Variants in ISL2 observed in about 807,000 individuals in gnomAD.
The protein encoded by ISL2 is insulin gene enhancer protein ISL-2.
ISL2 carries 17 observed loss-of-function variants against 34.6 expected under a neutral mutation model. That is an observed-to-expected ratio of 0.49 (90% CI 0.34 to 0.74). The LOEUF (loss-of-function observed/expected upper bound fraction) is 0.74. Among genes scored for constraint, ISL2 ranks in the 30% least tolerant of loss-of-function variants. The pLI is 0.01. For missense variants in ISL2, 469 were observed against 515.2 expected (o/e 0.91, Z 0.87); for synonymous variants, 232 against 225.5 (o/e 1.03, Z -0.26).
chr15:76,337,010 G>GA (rs1179418847), intron 1 of ISL2, 69 bp downstream of exon 1: 1 of 1,405,332 alleles, frequency 7.1e-7, no homozygotes, highest in African/African-American at 1.4e-5. Flanking sequence ...TTCTAATGCA[G>GA]AAAAATGTTT....
chr15:76,340,320 A>G lies in ISL2; in HGVS notation c.556A>G (p.Lys186Glu). 2 of 1,611,258 alleles carry G rather than the reference A, an allele frequency of 1.2e-6. No homozygotes were observed. Among genetic ancestry groups the G allele is most frequent in the Non-Finnish European group, 1.7e-6 (2 of 1,179,660 alleles). ...RQPALRPHVHKQTEKTTRVRT... is the reference protein window; with the variant it reads ...RQPALRPHVHEQTEKTTRVRT... ...GCCCGCGTTGCGCCCGCACGTGCAC[A>G]AGCAGACGGAGAAGACGACCCGCGT... is the stretch of plus-strand genomic sequence containing the variant. The change falls in exon 4 of 6, where the codon AAG becomes GAG. Residue 186 changes from lysine (K) to glutamate (E), a missense_variant. Physicochemically the swap from Lys to Glu is moderately conservative, Grantham distance 56. Transcript: ENST00000290759.
chr15:76,337,668 T>C, intron 1 of ISL2, 110 bp from the exon 2 acceptor site: 3 of 975,632 alleles, frequency 3.1e-6, no homozygotes, highest in Non-Finnish European at 4.4e-6. Flanking sequence ...GTCGCAAGTC[T>C]TGAAAGAAAG....
chr15:76,338,730 G>A (rs368680009), intron 3 of ISL2: 3 of 985,446 alleles, frequency 3.0e-6, no homozygotes, highest in African/African-American at 1.7e-5. Context: ...GAGTGTGTGA[G>A]CACGGAGAAT....
At position 76,341,159 on chromosome 15, in the gene ISL2, C is replaced by G; in HGVS notation, c.821C>G (p.Pro274Arg). The G allele has an allele frequency of 1.9e-6, 3 of 1,610,860 alleles. No individual in the cohort carries two copies. The highest frequency in any genetic ancestry group is 2.5e-6 in the Non-Finnish European group (3 of 1,178,944). ...KTSLQGLTGT[P>R]LVAGSPIRHE... Reference sequence around the variant, plus strand: ...AGCCTTCAGGGACTGACTGGGACGCCCCTGGTGGCGGGCAGTCCCATCCGC... The same window carrying G: ...AGCCTTCAGGGACTGACTGGGACGCGCCTGGTGGCGGGCAGTCCCATCCGC... The change falls in exon 5 of 6, where the codon CCC (proline) becomes CGC (arginine). Residue 274 changes from proline to arginine, a missense_variant. By Grantham distance (103) the Pro-to-Arg change is moderately radical (BLOSUM62 -2). This residue lies in a region of ISL2 where 169 missense variants were observed against 154.2 expected (regional missense o/e 1.10). Transcript: ENST00000290759.
Position 76,337,760 on chromosome 15 carries a change from C to T in ISL2, c.59-18C>T, listed in dbSNP as rs1262236485. The T allele has an allele frequency of 3.2e-6, 5 of 1,560,510 alleles. No individual in the cohort carries two copies. Among genetic ancestry groups the T allele is most frequent in the Middle Eastern group, 1.7e-4 (1 of 5,882 alleles). ...CGGGCAGTCAGGCCTGACGCGGCCC[C>T]GCGCCCTTCCCCGGCAGAGAAGCCC... On this transcript the variant is annotated intron_variant, in intron 1 of 5. Transcript: ENST00000290759.
At chr15:76,337,433 T>C (rs1239305413) in intron 1 of ISL2, 1 of 337,480 alleles carries the variant, frequency 3.0e-6, no homozygotes, top group Non-Finnish European at 5.4e-6. Context: ...ACAGCACCGT[T>C]AGGTGTTGAT....
At chr15:76,337,999 C>A in intron 2 of ISL2, 32 bp downstream of exon 2, 1 of 1,523,772 alleles carries the variant, frequency 6.6e-7, no homozygotes, top group Non-Finnish European at 8.8e-7. Flanking sequence ...GCTGGGCCAC[C>A]GCGCGCAGGG....
intron 1 of ISL2, among the ~76,000 whole-genome samples, 177 bp downstream of exon 1, chr15:76,337,118 T>C (rs1290885097): frequency 6.6e-6 from 1 of 152,202 alleles, no homozygotes. Flanking sequence ...GGGAATCCTG[T>C]TGTTTTATTT....
At chr15:76,339,922 C>A in intron 3 of ISL2, 1 of 1,089,002 alleles carries the variant, frequency 9.2e-7, no homozygotes, top group Non-Finnish European at 1.1e-6. Flanking sequence ...TCTGAAACTC[C>A]GACTTCTTCC....
chr15:76,341,624 C>T (rs2040195425), intron 5 of ISL2, 95 bp from the exon 6 acceptor site: 3 of 984,264 alleles, frequency 3.0e-6, no homozygotes, highest in Non-Finnish European at 4.9e-6. Context: ...GCGGCCGGTC[C>T]CCAAGGGACA....
intron 1 of ISL2, 64 bp downstream of exon 1, chr15:76,337,005 A>G: frequency 1.4e-6 from 2 of 1,408,576 alleles, no homozygotes; most frequent in South Asian, 2.3e-5. Flanking sequence ...AAAATTTCTA[A>G]TGCAGAAAAA....
intron 3 of ISL2, chr15:76,339,862 G>C: frequency 9.9e-7 from 1 of 1,015,060 alleles, no homozygotes; most frequent in South Asian, 4.1e-5. Flanking sequence ...CTGGGTCCAC[G>C]TCGGTCCCTT....
chr15:76,339,368 T>C, intron 3 of ISL2: 1 of 985,384 alleles, frequency 1.0e-6, no homozygotes, highest in Non-Finnish European at 1.2e-6. Flanking sequence ...TAGAAATTCG[T>C]AGAGGGGAAC....
At chr15:76,338,849 A>G (rs2040172424) in intron 3 of ISL2, 1 of 985,250 alleles carries the variant, frequency 1.0e-6, no homozygotes, top group African/African-American at 1.7e-5. Flanking sequence ...TGGGGCTTGT[A>G]TTAGGAATTT....
chr15:76,339,853 T>C (rs2141582853), intron 3 of ISL2: 2 of 1,008,892 alleles, frequency 2.0e-6, no homozygotes, highest in Non-Finnish European at 2.4e-6. Context: ...CGCCTCGCCC[T>C]GGGTCCACGT....
Position 76,341,169 on chromosome 15 carries a change from G to A in ISL2, c.831G>A (p.Ala277=), listed in dbSNP as rs1426168206. The A allele has an allele frequency of 1.2e-6, 2 of 1,611,708 alleles. No individual in the cohort carries two copies. The highest frequency in any genetic ancestry group is 2.7e-5 in the African/African-American group (2 of 74,934). The change falls in exon 5 of 6, where the codon GCG becomes GCA. Residue 277 remains alanine (A), a synonymous_variant. Transcript: ENST00000290759. The stretch of plus-strand genomic sequence containing the variant: ...GACTGACTGGGACGCCCCTGGTGGC[G>A]GGCAGTCCCATCCGCCATGAGAACG... ...LQGLTGTPLV[A]GSPIRHENAV... is the part of the protein sequence containing the mutation.
rs751997188 is a variant in ISL2 at position 76,338,421 on chromosome 15, C to T, written c.418C>T (p.Arg140Cys). The change falls in exon 3 of 6, where the codon CGC (arginine) becomes TGC (cysteine). Residue 140 changes from arginine to cysteine, a missense_variant. By Grantham distance (180) the Arg-to-Cys change is radical. Transcript: ENST00000290759. ...FSLREHELLC[R>C]ADHGLLLERA... Reference sequence around the variant, plus strand: ...GCTGCGGGAGCACGAGCTGCTCTGCCGCGCCGACCACGGCCTCCTGCTCGA... The same window carrying T: ...GCTGCGGGAGCACGAGCTGCTCTGCTGCGCCGACCACGGCCTCCTGCTCGA... 4.7e-6 allele frequency: 7 copies of T among 1,501,344 alleles called. No homozygotes were observed. The South Asian group carries it at 7.5e-5, about 16-fold the overall frequency. The allele number at this position is 1,501,344 out of a possible 1,614,324, so 93.0% of individuals were successfully genotyped here.
chr15:76,340,705 G>A, intron 4 of ISL2, 146 bp downstream of exon 4: 1 of 720,390 alleles, frequency 1.4e-6, no homozygotes, highest in Non-Finnish European at 2.3e-6. Flanking sequence ...TTCACAGCAA[G>A]GCTTCCCTTG....
chr15:76,337,777 G>A lies in ISL2; in HGVS notation c.59-1G>A. On this transcript the variant is annotated splice_acceptor_variant, in intron 1 of 5. Coordinates refer to ENST00000290759, the MANE Select transcript of ISL2 (RefSeq NM_145805.3). LOFTEE classifies it high-confidence loss of function. ...CGCGGCCCCGCGCCCTTCCCCGGCA[G>A]AGAAGCCCGGGACGGCCATGTGCGT... 1.9e-6 allele frequency: 3 copies of A among 1,584,632 alleles called. No individual in the cohort carries two copies. Among genetic ancestry groups the A allele is most frequent in the Non-Finnish European group, 2.6e-6 (3 of 1,162,454 alleles).
Sources: allele counts gnomAD v4.1 joint callset (sites outside exome capture counted in the v4.1 genomes callset), GRCh38; gene constraint gnomAD v4.1.1; regional missense constraint gnomAD v4.1.1; transcripts MANE v1.5; gene names NCBI Gene and HGNC (gene_info 2026-07-23, HGNC 2026-07-21).